STPG2: variants seen among roughly 807,000 people sequenced by gnomAD.
STPG2 encodes the protein sperm tail PG-rich repeat containing 2.
STPG2 carries 56 observed loss-of-function variants against 54.2 expected under a neutral mutation model. The ratio of observed to expected loss-of-function variants is 1.03; its 90% CI spans 0.83 to 1.29. The LOEUF is 1.29. STPG2 is among the 50% of genes most tolerant of loss of function. The pLI is 0.00. For synonymous variants in STPG2, 200 were observed against 181.8 expected, an observed-to-expected ratio of 1.10 and a Z score of -0.81; for missense variants, 596 against 544.9, an observed-to-expected ratio of 1.09 and a Z score of -0.93.
At chr4:98,048,101 A>G (rs1462855367) in intron 5 of STPG2, among the ~76,000 whole-genome samples, 2 of 148,198 alleles carry the variant, frequency 1.3e-5, no homozygotes, top group Non-Finnish European at 3.0e-5. Flanking sequence ...TGGTTTTTTT[A>G]AGTGTAATTC....
rs183507137 is a variant in STPG2 at position 97,931,553 on chromosome 4, C to T, written c.1044+12344G>A. On this transcript the variant is annotated intron_variant, in intron 8 of 10. Transcript: ENST00000295268. ...AATCCTACTTCATCATGGTGGATTA[C>T]CTTTTAGATATGCTGCTGGATTCAG... Among the ~76,000 whole-genome samples, 569 of 152,130 alleles carry T rather than the reference C, an allele frequency of 3.7e-3. 3 individuals are homozygous for T. The highest frequency in any genetic ancestry group is 0.013 in the African/African-American group (546 of 41,522).
chr4:98,062,350 T>A (rs1737686889), intron 5 of STPG2, among the ~76,000 whole-genome samples: 1 of 152,158 alleles, frequency 6.6e-6, no homozygotes, highest in Admixed American at 6.5e-5. Context: ...TATTGGGTAC[T>A]GGGCTTAATT....
chr4:97,979,098 T>C (rs889225762), intron 6 of STPG2, among the ~76,000 whole-genome samples: 1 of 152,240 alleles, frequency 6.6e-6, no homozygotes, highest in African/African-American at 2.4e-5. Context: ...TTTTGTCTAG[T>C]GGATTTGATT....
At position 98,015,705 on chromosome 4, in the gene STPG2, G is replaced by A. The variant is rs186257772; in HGVS notation, c.613-34387C>T. On this transcript the variant is annotated intron_variant, in intron 5 of 10. Transcript: ENST00000295268. ...TATATGACCCAGCAATTCCATTACT[G>A]GGTATATACTCAAAGGATTATAAAT... Among the ~76,000 whole-genome samples, 643 of 152,228 alleles carry A rather than the reference G, an allele frequency of 4.2e-3. 3 individuals carry two copies. Among genetic ancestry groups the A allele is most frequent in the South Asian group, 0.024 (118 of 4,820 alleles).
rs1178285370 is a variant in STPG2, at chr4:97,806,995, T to C, written c.1204+33778A>G. Among the ~76,000 whole-genome samples the C allele has an allele frequency of 2.0e-5, 3 of 152,070 alleles. No individual in the cohort carries two copies. In the South Asian group the frequency reaches 6.2e-4, roughly 31 times the overall value. On this transcript the variant is annotated intron_variant, in intron 9 of 10. Transcript: ENST00000295268. Reference sequence around the variant, plus strand: ...CAAGCATGGCAGTAGAATAAACTGTTCAATTTTTATCATCAAATAATATTC... The same window carrying C: ...CAAGCATGGCAGTAGAATAAACTGTCCAATTTTTATCATCAAATAATATTC...
chr4:97,461,751 TC>T (rs1729669431), intron 4 of STPG2, among the ~76,000 whole-genome samples: 1 of 152,198 alleles, frequency 6.6e-6, no homozygotes, highest in South Asian at 2.1e-4. Context: ...CATTTGCATA[TC>T]CTTTTTTCTT....
intron 10 of STPG2, among the ~76,000 whole-genome samples, chr4:97,581,580 T>A (rs2148891212): frequency 6.6e-6 from 1 of 152,224 alleles, no homozygotes. Flanking sequence ...AATTACACTA[T>A]AAAGTCTAAA....
chr4:98,051,611 A>G (rs13120995), intron 5 of STPG2, among the ~76,000 whole-genome samples: 59,816 of 151,720 alleles, frequency 0.39, 12,007 homozygotes, highest in Middle Eastern at 0.46. Flanking sequence ...TATGCTCTTC[A>G]ACTTCCCAGT....
At chr4:97,558,626 G>A (rs146685845), downstream of STPG2, among the ~76,000 whole-genome samples, 422 of 152,280 alleles carry the variant, frequency 2.8e-3, no homozygotes, top group Middle Eastern at 0.031. Context: ...CTGACAGCCC[G>A]TGTGGAGGTG....
At chr4:97,660,054 G>A (rs1041848084) in intron 10 of STPG2, among the ~76,000 whole-genome samples, 13 of 150,834 alleles carry the variant, frequency 8.6e-5, no homozygotes, top group African/African-American at 3.2e-4. Context: ...CCAGGCTGGA[G>A]TGCAGTGGCG....
chr4:97,617,110 A>C (rs1733893346), intron 10 of STPG2, among the ~76,000 whole-genome samples: 1 of 142,726 alleles, frequency 7.0e-6, no homozygotes, highest in African/African-American at 2.7e-5. Context: ...AAATGTGGAC[A>C]CTTAACTATA....
intron 10 of STPG2, among the ~76,000 whole-genome samples, chr4:97,699,513 C>A (rs1238612868): frequency 6.6e-6 from 1 of 152,188 alleles, no homozygotes; most frequent in East Asian, 1.9e-4. Context: ...AGTCCCTGAC[C>A]ATCCAGCCAA....
chr4:98,055,681 C>T (rs1168805327), intron 5 of STPG2, among the ~76,000 whole-genome samples: 1 of 152,204 alleles, frequency 6.6e-6, no homozygotes, highest in Admixed American at 6.5e-5. Flanking sequence ...TGTAGTAGAA[C>T]ACAGCCAGGG....
intron 4 of STPG2, among the ~76,000 whole-genome samples, chr4:97,511,165 C>T (rs992037461): frequency 1.3e-5 from 2 of 151,802 alleles, no homozygotes; most frequent in Non-Finnish European, 2.9e-5. Context: ...AACAGAGACA[C>T]TATCAGAATA....
At chr4:97,961,352 A>C (rs910056800) in intron 7 of STPG2, among the ~76,000 whole-genome samples, 2 of 152,208 alleles carry the variant, frequency 1.3e-5, no homozygotes, top group African/African-American at 4.8e-5. Flanking sequence ...GCAAAGATAA[A>C]TAGCTGGGAC....
At chr4:97,491,107 C>A (rs1188317212) in intron 4 of STPG2, among the ~76,000 whole-genome samples, 1 of 151,272 alleles carries the variant, frequency 6.6e-6, no homozygotes, top group East Asian at 2.0e-4. Flanking sequence ...TGACTGAGAC[C>A]TAAGTCCACC....
chr4:98,033,018 A>G (rs1241345590), intron 5 of STPG2, among the ~76,000 whole-genome samples: 1 of 152,172 alleles, frequency 6.6e-6, no homozygotes, highest in Non-Finnish European at 1.5e-5. Context: ...CCCTAACATC[A>G]CAATTAAAAG....
chr4:97,514,553 C>T lies in STPG2; in HGVS notation c.462+198146G>A, dbSNP rs554190837. On this transcript the variant is annotated intron_variant, in intron 4 of 4. Coordinates refer to the STPG2 transcript ENST00000522676. ...TTTTATTAGTAATAAAAGTATTTTT[C>T]ATAAAGCATATGATTTACTATGACT... Among the ~76,000 whole-genome samples the T allele has an allele frequency of 7.2e-4, 109 of 152,138 alleles. 1 individual carries two copies. The South Asian group carries it at 0.022, about 31-fold the overall frequency.
intron 4 of STPG2, among the ~76,000 whole-genome samples, chr4:97,467,543 AT>A (rs1003681645): frequency 3.9e-5 from 6 of 152,002 alleles, no homozygotes; most frequent in African/African-American, 1.4e-4. Flanking sequence ...TACAGTATTC[AT>A]GTTATATGAA....
Sources: gnomAD v4.1 joint callset for allele counts (sites outside exome capture counted in the v4.1 genomes callset) on GRCh38, gnomAD v4.1.1 for gene constraint, MANE v1.5 for transcripts, NCBI Gene and HGNC (gene_info 2026-07-23, HGNC 2026-07-21) for gene names.